PLA2G2F: variants seen among roughly 807,000 people sequenced by gnomAD.
PLA2G2F encodes group IIF secretory phospholipase A2.
A neutral mutation model predicts 15.9 loss-of-function variants in PLA2G2F; 17 were observed. That is an observed-to-expected ratio of 1.07 (90% confidence interval 0.73 to 1.60). PLA2G2F has a LOEUF of 1.60. Among genes scored for constraint, PLA2G2F ranks in the 40% most tolerant of loss-of-function variants. The pLI is 0.00. For synonymous variants in PLA2G2F, 119 were observed against 106.5 expected (o/e 1.12, Z -0.72); for missense variants, 299 against 278.2 (o/e 1.07, Z -0.53).
intron 2 of PLA2G2F, 41 bp downstream of exon 2, chr1:20,140,259 C>T: frequency 6.2e-7 from 1 of 1,603,312 alleles, no homozygotes; most frequent in Non-Finnish European, 8.5e-7. Context: ...CTCTCCCACT[C>T]CCAGCTTGTC....
rs2017664402 is a variant in PLA2G2F, at chr1:20,148,597, T to C, written c.*196T>C. 1 of 599,458 alleles carries C rather than the reference T, an allele frequency of 1.7e-6. No homozygotes were observed. Among genetic ancestry groups the C allele is most frequent in the South Asian group, 2.0e-5 (1 of 50,088 alleles). The allele number at this position is 599,458 out of a possible 1,614,324, so 37.1% of individuals were successfully genotyped here. On this transcript the variant is annotated 3_prime_UTR_variant, in exon 5 of 5. Transcript: ENST00000375102. ...GACTCCCCCAGCCCAGCCCCAGGCA[T>C]GGGTGCCTCCTGCTGCTGGTTCTGG... is the stretch of plus-strand genomic sequence containing the variant.
intron 4 of PLA2G2F, among the ~76,000 whole-genome samples, chr1:20,147,746 G>A (rs913088936): frequency 3.3e-5 from 5 of 152,130 alleles, no homozygotes; most frequent in African/African-American, 1.2e-4. Context: ...CACTGCGCCC[G>A]GCAATAACTC....
intron 4 of PLA2G2F, 150 bp from the exon 5 acceptor site, chr1:20,148,039 GC>G: frequency 1.5e-6 from 1 of 671,124 alleles, no homozygotes; most frequent in South Asian, 1.7e-5. Flanking sequence ...GTGGGGTGGG[GC>G]CCGTGGGTGG....
intron 2 of PLA2G2F, 37 bp from the exon 3 acceptor site, chr1:20,143,409 G>A: frequency 1.2e-6 from 2 of 1,603,510 alleles, no homozygotes; most frequent in East Asian, 4.5e-5. Context: ...GCCAGCCCCG[G>A]GGCAGGGGCT....
chr1:20,145,809 C>T (rs528730636), intron 4 of PLA2G2F, among the ~76,000 whole-genome samples: 9 of 152,148 alleles, frequency 5.9e-5, no homozygotes, highest in Non-Finnish European at 1.0e-4. Flanking sequence ...GGGGGTCTCA[C>T]TATGTTGCCC....
rs948597887 is a variant in PLA2G2F, at chr1:20,149,365, C to A, written c.*964C>A. The A allele has an allele frequency of 2.0e-5, 3 of 152,178 alleles. No homozygotes were observed. Among genetic ancestry groups the A allele is most frequent in the Non-Finnish European group, 4.4e-5 (3 of 68,102 alleles). 9.4% of individuals were successfully genotyped at this position (152,178 alleles called of 1,614,324 possible). On this transcript the variant is annotated 3_prime_UTR_variant, in exon 5 of 5. Coordinates refer to ENST00000375102, the MANE Select transcript of PLA2G2F (RefSeq NM_022819.4). ...CAAGTCCCATCCCTCCTGGCCTGCACCTGGAACAGCAGCCAGAACACCGGA... is the reference window on the plus strand; with the variant it reads ...CAAGTCCCATCCCTCCTGGCCTGCAACTGGAACAGCAGCCAGAACACCGGA...
chr1:20,139,398 C>G lies in PLA2G2F; in HGVS notation c.-30C>G. On this transcript the variant is annotated 5_prime_UTR_variant, in exon 1 of 5. Transcript: ENST00000375102. ...GAGCGCATCTCAGACCTTCTGAGACCTATGTTGCTGGCCCCCCAGAACCCG... is the reference window on the plus strand; with the variant it reads ...GAGCGCATCTCAGACCTTCTGAGACGTATGTTGCTGGCCCCCCAGAACCCG... The G allele has an allele frequency of 6.6e-7, 1 of 1,515,856 alleles. No individual in the cohort carries two copies. The highest frequency in any genetic ancestry group is 9.0e-7 in the Non-Finnish European group (1 of 1,114,342). The allele number at this position is 1,515,856 out of a possible 1,614,324, so 93.9% of individuals were successfully genotyped here. A position where few individuals can be genotyped will look rare whatever the true frequency, so the allele number is the denominator to read the frequency against.
chr1:20,147,137 G>C (rs2017629697), intron 4 of PLA2G2F, among the ~76,000 whole-genome samples: 1 of 152,178 alleles, frequency 6.6e-6, no homozygotes, highest in Non-Finnish European at 1.5e-5. Context: ...GGTTCTCAAA[G>C]GGTAGCCCCT....
At chr1:20,143,398 G>A (rs371437766) in intron 2 of PLA2G2F, 48 bp from the exon 3 acceptor site, 38 of 1,593,954 alleles carry the variant, frequency 2.4e-5, no homozygotes, top group East Asian at 1.1e-4. Flanking sequence ...GGCTGGGAGC[G>A]GCCAGCCCCG....
rs186397962 is a variant in PLA2G2F, at chr1:20,144,848, G to A, written c.424+159G>A. 3.5e-3 allele frequency among the ~76,000 whole-genome samples: 533 copies of A among 152,306 alleles called. 5 individuals carry two copies. The highest frequency in any genetic ancestry group is 0.011 in the African/African-American group (467 of 41,572). On this transcript the variant is annotated intron_variant, in intron 4 of 4. Coordinates refer to ENST00000375102, the MANE Select transcript of PLA2G2F (RefSeq NM_022819.4). ...TCCCAGCACTTTGGGAGGCCGAGGC[G>A]GGCGGATCACTTGAGGTCAGGAGTT...
At chr1:20,141,802 G>A (rs1478150624) in intron 2 of PLA2G2F, 1 of 152,244 alleles carries the variant, frequency 6.6e-6, no homozygotes, top group African/African-American at 2.4e-5. Flanking sequence ...CTCTGCTTTG[G>A]GCATTGTGAT....
At chr1:20,147,640 G>A (rs796541560) in intron 4 of PLA2G2F, among the ~76,000 whole-genome samples, 7 of 151,974 alleles carry the variant, frequency 4.6e-5, no homozygotes, top group African/African-American at 1.7e-4. Flanking sequence ...AGTAGAGATG[G>A]GGTTTCATCA....
Position 20,147,804 on chromosome 1 carries a change from T to C in PLA2G2F, c.425-386T>C, listed in dbSNP as rs2017642460. Reference sequence around the variant, plus strand: ...ATTCTGTGATTGAAGGGAAGAGGTCTGGGATGGCAGGAAGTAACAAGCCTG... The same window carrying C: ...ATTCTGTGATTGAAGGGAAGAGGTCCGGGATGGCAGGAAGTAACAAGCCTG... On this transcript the variant is annotated intron_variant, in intron 4 of 4. Transcript: ENST00000375102. Among the ~76,000 whole-genome samples, 2 of 152,198 alleles carry C rather than the reference T, an allele frequency of 1.3e-5. 1 individual carries two copies. The highest frequency in any genetic ancestry group is 4.1e-4 in the South Asian group (2 of 4,832).
At chr1:20,141,963 A>T (rs1187394287) in intron 2 of PLA2G2F, 2 of 151,888 alleles carry the variant, frequency 1.3e-5, no homozygotes, top group African/African-American at 4.8e-5. Context: ...GGTCTGTCTG[A>T]CTCCAGATTC....
rs1416224331 is a variant in PLA2G2F, at chr1:20,144,682, A to G, written c.417A>G (p.Ile139Met). Residue 139 changes from isoleucine (I) to methionine (M), a missense_variant, in exon 4 of 5, where the codon ATA becomes ATG. Coordinates refer to ENST00000375102, the MANE Select transcript of PLA2G2F (RefSeq NM_022819.4). ...YDHTIENNTE[I>M]VCSDLNKTEC... Reference sequence around the variant, plus strand: ...ACACCATCGAGAACAACACTGAGATAGTCTGCAGTGAGTCCCTCCCCTGTC... The same window carrying G: ...ACACCATCGAGAACAACACTGAGATGGTCTGCAGTGAGTCCCTCCCCTGTC... 3 of 1,602,414 alleles carry G rather than the reference A, an allele frequency of 1.9e-6. No homozygotes were observed. Among genetic ancestry groups the G allele is most frequent in the East Asian group, 2.2e-5 (1 of 44,708 alleles).
chr1:20,143,278 C>T (rs867785337), intron 2 of PLA2G2F, 168 bp from the exon 3 acceptor site: 2 of 799,060 alleles, frequency 2.5e-6, no homozygotes, highest in Middle Eastern at 3.8e-4. Flanking sequence ...TTTCCTCTGG[C>T]TTAGCTGCCC....
In PLA2G2F at chr1:20,140,197, G is replaced by A. The variant is rs759630010; in HGVS notation, c.148G>A (p.Val50Met). ...CCTGGGTATGAAGAAGTTCTTCACC[G>A]TGGCCATCCTTGCTGGCAGCGGTGA... ...SSLGMKKFFT[V>M]AILAGSVLST... The change falls in exon 2 of 5, where the codon GTG (valine) becomes ATG (methionine). Residue 50 changes from valine to methionine, a missense_variant. Transcript: ENST00000375102. 52 of 1,613,766 alleles carry A rather than the reference G, an allele frequency of 3.2e-5. No individual in the cohort carries two copies. The East Asian group carries it at 3.6e-4, about 11-fold the overall frequency.
chr1:20,147,899 T>A (rs1319203448), intron 4 of PLA2G2F, among the ~76,000 whole-genome samples: 2 of 152,140 alleles, frequency 1.3e-5, no homozygotes, highest in Non-Finnish European at 2.9e-5. Context: ...GGGGCTCAGT[T>A]TCCCCAGCTA....
rs1319745592 is a variant in PLA2G2F at position 20,139,534 on chromosome 1, G to A, written c.107G>A (p.Arg36Lys). The stretch of plus-strand genomic sequence containing the variant: ...CGCTTCGGGGCCTCCTGTCCTTCAA[G>A]AACCTCCAGGTAGGTGCCTGTTGCC... ...GPRFGASCPS[R>K]TSRSSLGMKK... The change falls in exon 1 of 5, where the codon AGA becomes AAA. Residue 36 changes from arginine to lysine, a missense_variant. By Grantham distance (26) the Arg-to-Lys change is conservative (BLOSUM62 2). Coordinates refer to ENST00000375102, the MANE Select transcript of PLA2G2F (RefSeq NM_022819.4). The A allele has an allele frequency of 1.3e-6, 2 of 1,540,862 alleles. No individual in the cohort carries two copies. The highest frequency in any genetic ancestry group is 2.8e-5 in the African/African-American group (2 of 72,636).
Sources: allele counts gnomAD v4.1 joint callset (sites outside exome capture counted in the v4.1 genomes callset), GRCh38; gene constraint gnomAD v4.1.1; transcripts MANE v1.5; gene names NCBI Gene and HGNC (gene_info 2026-07-23, HGNC 2026-07-21).